PTPRD: variants seen among roughly 807,000 people sequenced by gnomAD.
PTPRD encodes the protein receptor-type tyrosine-protein phosphatase delta.
PTPRD carries 34 observed loss-of-function variants against 214.5 expected under a neutral mutation model. The ratio of observed to expected loss-of-function variants is 0.16; its 90% CI spans 0.12 to 0.21. The LOEUF is 0.21. Ranked by LOEUF, PTPRD falls within the 10% of genes least tolerant of loss-of-function variation. The pLI is 1.00. For missense variants in PTPRD, 2,545 were observed against 2,398.7 expected, an observed-to-expected ratio of 1.06 and a Z score of -1.27; for synonymous variants, 1,128 against 845.7, an observed-to-expected ratio of 1.33 and a Z score of -5.79.
intron 8 of PTPRD, among the ~76,000 whole-genome samples, chr9:9,463,826 C>T (rs7871480): frequency 0.027 from 4,051 of 152,086 alleles, 174 homozygotes; most frequent in African/African-American, 0.091. Flanking sequence ...ACTTGAGAAA[C>T]TTGGATTTGT....
At chr9:10,259,522 T>C (rs1484243766) in intron 3 of PTPRD, among the ~76,000 whole-genome samples, 1 of 152,164 alleles carries the variant, frequency 6.6e-6, no homozygotes, top group Non-Finnish European at 1.5e-5. Flanking sequence ...GCTGCTGTTT[T>C]ACACCTTTAG....
At chr9:8,683,867 G>C (rs999307912) in intron 12 of PTPRD, among the ~76,000 whole-genome samples, 9 of 152,206 alleles carry the variant, frequency 5.9e-5, no homozygotes, top group African/African-American at 2.2e-4. Context: ...TAAGACGTAA[G>C]GGTTCCAACT....
At position 9,411,262 on chromosome 9, in the gene PTPRD, C is replaced by CTTTTTTTTTTTT. The variant is rs34617237; in HGVS notation, c.-236-13792_-236-13781dup. Among the ~76,000 whole-genome samples, 6 of 139,840 alleles carry CTTTTTTTTTTTT rather than the reference C, an allele frequency of 4.3e-5. 1 individual carries two copies. Among genetic ancestry groups the CTTTTTTTTTTTT allele is most frequent in the Non-Finnish European group, 7.6e-5 (5 of 65,584 alleles). 91.7% of individuals were successfully genotyped at this position (139,840 alleles called of 152,430 possible). The stretch of plus-strand genomic sequence containing the variant: ...TCCCTGAGGATACATAGCATTGTGT[C>CTTTTTTTTTTTT]TTTTTTTTTTTTTACGATAATTAAG... On this transcript the variant is annotated intron_variant, in intron 8 of 45. Transcript: ENST00000381196.
chr9:8,567,395 G>A (rs1279387837), intron 14 of PTPRD, among the ~76,000 whole-genome samples: 2 of 152,130 alleles, frequency 1.3e-5, no homozygotes, highest in East Asian at 1.9e-4. Flanking sequence ...TTTCAGATGA[G>A]TAAGGTGTTG....
At chr9:10,389,255 AAC>A (rs1311514032) in intron 2 of PTPRD, among the ~76,000 whole-genome samples, 1 of 151,904 alleles carries the variant, frequency 6.6e-6, no homozygotes, top group Non-Finnish European at 1.5e-5. Flanking sequence ...GTTTACAAAT[AAC>A]AGTGACTCAT....
chr9:9,520,803 G>C (rs1377797495), intron 8 of PTPRD, among the ~76,000 whole-genome samples: 1 of 152,118 alleles, frequency 6.6e-6, no homozygotes, highest in Non-Finnish European at 1.5e-5. Context: ...CATTAAAGCA[G>C]TCTACGAGTC....
intron 11 of PTPRD, among the ~76,000 whole-genome samples, chr9:8,826,004 A>C (rs2097168009): frequency 6.6e-6 from 1 of 152,114 alleles, no homozygotes; most frequent in South Asian, 2.1e-4. Flanking sequence ...GTGACTTAGA[A>C]TGCCTTGTCT....
chr9:10,592,854 T>C (rs992426216), intron 2 of PTPRD, among the ~76,000 whole-genome samples: 1 of 151,832 alleles, frequency 6.6e-6, no homozygotes, highest in Non-Finnish European at 1.5e-5. Flanking sequence ...AAACGGAACA[T>C]GGGCGGGGAC....
intron 5 of PTPRD, chr9:9,803,792 G>C (rs1247594601): frequency 6.6e-6 from 1 of 151,868 alleles, no homozygotes; most frequent in Non-Finnish European, 1.5e-5. Context: ...AAATAAAAAA[G>C]GATTAATCAT....
At chr9:8,465,445 A>C in intron 32 of PTPRD, 21 bp downstream of exon 32, 1 of 1,601,816 alleles carries the variant, frequency 6.2e-7, no homozygotes, top group Non-Finnish European at 8.5e-7. Context: ...TAGGAAACAG[A>C]TGCCATCATA....
At chr9:10,008,385 G>A (rs2096531761) in intron 4 of PTPRD, among the ~76,000 whole-genome samples, 1 of 151,966 alleles carries the variant, frequency 6.6e-6, no homozygotes, top group Non-Finnish European at 1.5e-5. Context: ...TGGACCAGCT[G>A]TGTCTGACTT....
intron 11 of PTPRD, among the ~76,000 whole-genome samples, chr9:8,914,381 C>A (rs555614705): frequency 6.6e-6 from 1 of 152,142 alleles, no homozygotes; most frequent in Admixed American, 6.5e-5. Flanking sequence ...GCCATTTGAA[C>A]TTTTAAACAG....
intron 35 of PTPRD, among the ~76,000 whole-genome samples, chr9:8,433,987 G>C (rs962885060): frequency 8.1e-6 from 1 of 124,210 alleles, no homozygotes; most frequent in Non-Finnish European, 1.6e-5. Flanking sequence ...TTGTTTGTTT[G>C]CTTGTTTGTT....
intron 10 of PTPRD, among the ~76,000 whole-genome samples, chr9:9,068,997 G>C (rs759915530): frequency 6.6e-6 from 1 of 152,102 alleles, no homozygotes; most frequent in Non-Finnish European, 1.5e-5. Flanking sequence ...CTTCAATTCT[G>C]TAGTAAGATT....
intron 33 of PTPRD, 155 bp from the exon 34 acceptor site, chr9:8,449,992 T>C (rs540393394): frequency 1.2e-5 from 8 of 679,808 alleles, no homozygotes; most frequent in Middle Eastern, 4.2e-4. Flanking sequence ...GGGTTGCTTT[T>C]CCCCCCTGGC....
chr9:9,669,173 T>C (rs1370722661), intron 7 of PTPRD, among the ~76,000 whole-genome samples: 2 of 152,204 alleles, frequency 1.3e-5, no homozygotes, highest in Non-Finnish European at 2.9e-5. Context: ...TTATAAATCA[T>C]GCTGCTATAA....
In PTPRD at chr9:8,528,659, G is replaced by C. The variant is rs1564092193; in HGVS notation, c.473C>G (p.Thr158Ser). The C allele has an allele frequency of 1.2e-6, 2 of 1,613,702 alleles. No individual in the cohort carries two copies. The highest frequency in any genetic ancestry group is 1.7e-5 in the Admixed American group (1 of 59,966). ...AASGNPDPEITWFKDFLPVDT... is the reference protein window; with the variant it reads ...AASGNPDPEISWFKDFLPVDT... Reference sequence around the variant, plus strand: ...CACAGGTAAGAAATCTTTAAACCAAGTGATTTCTGGATCCGGATTACCACT... The same window carrying C: ...CACAGGTAAGAAATCTTTAAACCAACTGATTTCTGGATCCGGATTACCACT... The change falls in exon 15 of 46, where the codon ACT (threonine) becomes AGT (serine). Residue 158 changes from threonine (T) to serine (S), a missense_variant. Coordinates refer to ENST00000381196, the MANE Select transcript of PTPRD (RefSeq NM_002839.4).
rs149786237 is a variant in PTPRD at position 8,335,669 on chromosome 9, C to T, written c.5379+3253G>A. Among the ~76,000 whole-genome samples the T allele has an allele frequency of 1.3e-3, 205 of 152,060 alleles. 1 individual carries two copies. Among genetic ancestry groups the T allele is most frequent in the African/African-American group, 4.6e-3 (190 of 41,492 alleles). On this transcript the variant is annotated intron_variant, in intron 43 of 45. Coordinates refer to ENST00000381196, the MANE Select transcript of PTPRD (RefSeq NM_002839.4). ...GCAATCAGGCAAGAGAAAGAAGTAA[C>T]GGGTATTCAATTAGGAAAAGAGGAA...
chr9:9,441,264 A>G (rs756346636), intron 8 of PTPRD, among the ~76,000 whole-genome samples: 22 of 152,188 alleles, frequency 1.4e-4, no homozygotes, highest in Non-Finnish European at 2.5e-4. Flanking sequence ...CCATCACACC[A>G]GTTTCTAAGG....
Sources: gnomAD v4.1 joint callset for allele counts (sites outside exome capture counted in the v4.1 genomes callset) on GRCh38, gnomAD v4.1.1 for gene constraint, MANE v1.5 for transcripts, NCBI Gene and HGNC (gene_info 2026-07-23, HGNC 2026-07-21) for gene names.